UGP2: variants seen among roughly 807,000 people sequenced by gnomAD.
UGP2 encodes UDP-glucose pyrophosphorylase 2.
A neutral mutation model predicts 49.0 loss-of-function variants in UGP2; 40 were observed. That is an observed-to-expected ratio of 0.82 (90% CI 0.63 to 1.06). The LOEUF (loss-of-function observed/expected upper bound fraction) is 1.06. UGP2 is among the 50% of genes least tolerant of loss of function. UGP2 has a pLI of 0.00. For synonymous variants in UGP2, 225 were observed against 213.0 expected, an observed-to-expected ratio of 1.06 and a Z score of -0.49; for missense variants, 460 against 603.5, an observed-to-expected ratio of 0.76 and a Z score of 2.49.
In UGP2 at chr2:63,842,175, A is replaced by T. The variant is rs371485913; in HGVS notation, c.-11A>T. The T allele has an allele frequency of 3.2e-6, 5 of 1,586,484 alleles. No homozygotes were observed. The highest frequency in any genetic ancestry group is 4.3e-6 in the Non-Finnish European group (5 of 1,172,804). On this transcript the variant is annotated 5_prime_UTR_variant, in exon 1 of 10. Coordinates refer to ENST00000337130, the MANE Select transcript of UGP2 (RefSeq NM_006759.4). ...AAAAAAAAAGCCGGAGTATTTTACT[A>T]AGCCCCTAAAATGTCGAGATTTGTA...
intron 3 of UGP2, among the ~76,000 whole-genome samples, chr2:63,869,514 A>G (rs567449433): frequency 2.9e-4 from 44 of 152,210 alleles, no homozygotes; most frequent in Non-Finnish European, 5.1e-4. Context: ...TTGAATTGCT[A>G]TGATGCTTTA....
chr2:63,870,704 TTGAG>T (rs1382900966), intron 3 of UGP2, among the ~76,000 whole-genome samples: 2 of 152,224 alleles, frequency 1.3e-5, no homozygotes, highest in Non-Finnish European at 2.9e-5. Context: ...TCACAAATGT[TTGAG>T]TGCTGCCAAC....
chr2:63,869,548 C>A (rs1402308645), intron 3 of UGP2, among the ~76,000 whole-genome samples: 2 of 152,208 alleles, frequency 1.3e-5, no homozygotes, highest in Admixed American at 1.3e-4. Flanking sequence ...GCACACTATT[C>A]AAGTTTGGCT....
intron 1 of UGP2, chr2:63,854,735 G>A (rs1669273976): frequency 6.6e-6 from 1 of 152,200 alleles, no homozygotes; most frequent in African/African-American, 2.4e-5. Context: ...TTGTTGTAAT[G>A]TTCTTTTGTT....
At chr2:63,880,320 T>A (rs1223378128) in intron 3 of UGP2, among the ~76,000 whole-genome samples, 9 of 151,992 alleles carry the variant, frequency 5.9e-5, no homozygotes, top group African/African-American at 2.2e-4. Flanking sequence ...ACTACAGGCA[T>A]GCACCACCAT....
chr2:63,854,523 G>T (rs189886092), intron 1 of UGP2, among the ~76,000 whole-genome samples: 1 of 152,282 alleles, frequency 6.6e-6, no homozygotes, highest in East Asian at 1.9e-4. Context: ...ATTCAGGATG[G>T]ATGAAGAAGT....
chr2:63,849,784 G>A (rs2104254141), intron 1 of UGP2, among the ~76,000 whole-genome samples: 1 of 152,264 alleles, frequency 6.6e-6, no homozygotes, highest in Non-Finnish European at 1.5e-5. Context: ...GTTCCAGCTT[G>A]GCATTGTGTC....
At chr2:63,879,554 C>T (rs377635078) in intron 3 of UGP2, among the ~76,000 whole-genome samples, 3 of 152,048 alleles carry the variant, frequency 2.0e-5, no homozygotes, top group South Asian at 2.1e-4. Context: ...CTTTATAGTA[C>T]GATTCAATTT....
At chr2:63,875,959 T>C (rs1297454657) in intron 3 of UGP2, among the ~76,000 whole-genome samples, 1 of 152,150 alleles carries the variant, frequency 6.6e-6, no homozygotes, top group Non-Finnish European at 1.5e-5. Flanking sequence ...CAGTAGTATG[T>C]GATGTTCCCT....
At chr2:63,860,066 T>G (rs1215153531) in intron 3 of UGP2, among the ~76,000 whole-genome samples, 1 of 152,182 alleles carries the variant, frequency 6.6e-6, no homozygotes, top group Non-Finnish European at 1.5e-5. Flanking sequence ...TTCTCAGGTC[T>G]TAGAGATTAT....
rs1483862458 is a variant in UGP2 at position 63,891,129 on chromosome 2, A to T, written c.1429A>T (p.Ile477Phe). 6 of 1,613,004 alleles carry T rather than the reference A, an allele frequency of 3.7e-6. No individual in the cohort carries two copies. Among genetic ancestry groups the T allele is most frequent in the Non-Finnish European group, 5.1e-6 (6 of 1,179,490 alleles). ...TTTCCCTGTCACTTAGGGAACGGTTATCATCATTGCAAATCATGGTGACAG... is the reference window on the plus strand; with the variant it reads ...TTTCCCTGTCACTTAGGGAACGGTTTTCATCATTGCAAATCATGGTGACAG... The part of the protein sequence containing the change: ...GKNVSLKGTV[I>F]IIANHGDRID... Residue 477 changes from isoleucine (I) to phenylalanine (F), a missense_variant, in exon 10 of 10, where the codon ATC (isoleucine) becomes TTC (phenylalanine). By Grantham distance (21) the Ile-to-Phe change is conservative. Transcript: ENST00000337130.
chr2:63,842,237 C>G (rs535713180), intron 1 of UGP2, 33 bp downstream of exon 1: 1 of 1,609,012 alleles, frequency 6.2e-7, no homozygotes, highest in East Asian at 2.2e-5. Flanking sequence ...TCCCGAGTTG[C>G]TTCAGGCAAA....
intron 1 of UGP2, among the ~76,000 whole-genome samples, chr2:63,854,096 TG>T (rs1669223897): frequency 6.6e-6 from 1 of 152,182 alleles, no homozygotes. Context: ...TGCCTCACTG[TG>T]GTGGAATGGG....
At chr2:63,872,647 C>T (rs1301857939) in intron 3 of UGP2, among the ~76,000 whole-genome samples, 1 of 152,036 alleles carries the variant, frequency 6.6e-6, no homozygotes, top group Non-Finnish European at 1.5e-5. Context: ...GGCTTTTTGT[C>T]AAATGATATC....
chr2:63,850,383 A>G (rs1166192550), intron 1 of UGP2, among the ~76,000 whole-genome samples: 1 of 152,240 alleles, frequency 6.6e-6, no homozygotes, highest in Non-Finnish European at 1.5e-5. Context: ...ATCTCAGTGT[A>G]GTCATAGTTG....
At chr2:63,881,287 C>T (rs1445470150) in intron 3 of UGP2, among the ~76,000 whole-genome samples, 1 of 151,898 alleles carries the variant, frequency 6.6e-6, no homozygotes, top group Non-Finnish European at 1.5e-5. Context: ...TTTTTGCCTC[C>T]ATAGGCTTAG....
At chr2:63,845,466 G>A (rs567772967) in intron 1 of UGP2, among the ~76,000 whole-genome samples, 2 of 148,106 alleles carry the variant, frequency 1.4e-5, no homozygotes, top group South Asian at 2.2e-4. Context: ...AGGTATGAAA[G>A]TTCTTTATTT....
intron 8 of UGP2, chr2:63,887,861 T>A: frequency 1.6e-6 from 1 of 622,396 alleles, no homozygotes; most frequent in Non-Finnish European, 2.6e-6. Flanking sequence ...AAATAATCTT[T>A]AAATTTTGGG....
intron 1 of UGP2, chr2:63,855,520 G>GTTTTTTTTTTTTTTTTTTTTCTTT (rs1669337706): frequency 1.5e-5 from 3 of 194,312 alleles, no homozygotes; most frequent in African/African-American, 3.2e-5. Context: ...TTCTTTTTCT[G>GTTTTTTTTTTTTTTTTTTTTCTTT]TTTTTTTTTT....
Sources: allele counts gnomAD v4.1 joint callset (sites outside exome capture counted in the v4.1 genomes callset), GRCh38; gene constraint gnomAD v4.1.1; transcripts MANE v1.5; gene names NCBI Gene and HGNC (gene_info 2026-07-23, HGNC 2026-07-21).